Variants in LRRTM4 observed in about 807,000 individuals in gnomAD.
The protein encoded by LRRTM4 is leucine rich repeat transmembrane neuronal 4, also known as leucine-rich repeat transmembrane neuronal protein 4.
LRRTM4 carries 25 observed loss-of-function variants against 47.6 expected under a neutral mutation model. That is an observed-to-expected ratio of 0.53 (90% CI 0.38 to 0.73). The LOEUF (loss-of-function observed/expected upper bound fraction) is 0.73. Among genes scored for constraint, LRRTM4 ranks in the 30% least tolerant of loss-of-function variants. The pLI is 0.00. For synonymous variants in LRRTM4, 311 were observed against 269.5 expected (o/e 1.15, Z -1.51); for missense variants, 638 against 713.4 (o/e 0.89, Z 1.20).
chr2:76,755,273 C>T (rs1056003443), intron 3 of LRRTM4, among the ~76,000 whole-genome samples: 2 of 152,114 alleles, frequency 1.3e-5, no homozygotes, highest in African/African-American at 4.8e-5. Flanking sequence ...AAAGATAAGA[C>T]AGCTCCCAGA....
intron 3 of LRRTM4, among the ~76,000 whole-genome samples, chr2:77,488,281 C>T (rs1188033816): frequency 6.6e-6 from 1 of 152,232 alleles, no homozygotes; most frequent in Non-Finnish European, 1.5e-5. Context: ...CACAGCCTCA[C>T]AGGAACCCAG....
chr2:76,933,086 T>C (rs1349705614), intron 3 of LRRTM4, among the ~76,000 whole-genome samples: 2 of 152,110 alleles, frequency 1.3e-5, no homozygotes, highest in Admixed American at 1.3e-4. Flanking sequence ...ACCATTAAGA[T>C]AGATAATATT....
Position 77,411,503 on chromosome 2 carries a change from G to A in LRRTM4, c.1551+106815C>T, listed in dbSNP as rs1167622488. On this transcript the variant is annotated intron_variant, in intron 3 of 3. Transcript: ENST00000409884. ...AGTCTTGCTCTGTCGCCCAGGCTGG[G>A]GTGCAGTGGCGTGATCTCGGCTCAC... 4.8e-4 allele frequency among the ~76,000 whole-genome samples: 68 copies of A among 142,438 alleles called. No individual in the cohort carries two copies. In the East Asian group the frequency reaches 9.9e-3, roughly 21 times the overall value. The allele number at this position is 142,438 out of a possible 152,430, so 93.4% of individuals were successfully genotyped here.
intron 3 of LRRTM4, among the ~76,000 whole-genome samples, chr2:76,842,826 T>C (rs938023126): frequency 6.6e-6 from 1 of 152,184 alleles, no homozygotes; most frequent in Admixed American, 6.6e-5. Context: ...GCTGCACCTA[T>C]CAAACCATTG....
chr2:77,261,582 T>C (rs1437324469), intron 3 of LRRTM4, among the ~76,000 whole-genome samples: 1 of 152,046 alleles, frequency 6.6e-6, no homozygotes, highest in Non-Finnish European at 1.5e-5. Context: ...TTTTTTTTAA[T>C]TGCTAAACCT....
In LRRTM4 at chr2:77,289,350, T is replaced by C. The variant is rs115091771; in HGVS notation, c.1551+228968A>G. 6.9e-3 allele frequency among the ~76,000 whole-genome samples: 1,042 copies of C among 152,042 alleles called. 4 individuals carry two copies. The highest frequency in any genetic ancestry group is 0.01 in the Non-Finnish European group (713 of 67,906). On this transcript the variant is annotated intron_variant, in intron 3 of 3. Coordinates refer to ENST00000409884, the MANE Select transcript of LRRTM4 (RefSeq NM_001134745.3). Reference sequence around the variant, plus strand: ...TCCCTAACATTTCTAAATCTGAGAGTACAGAAGCAGTTTTTTAAGTGATTG... The same window carrying C: ...TCCCTAACATTTCTAAATCTGAGAGCACAGAAGCAGTTTTTTAAGTGATTG...
intron 3 of LRRTM4, among the ~76,000 whole-genome samples, chr2:76,998,999 AC>A (rs200292274): frequency 2.8e-5 from 4 of 140,690 alleles, no homozygotes; most frequent in Non-Finnish European, 6.3e-5. Context: ...TATCAGTCTA[AC>A]TTAGAGAGCT....
In LRRTM4 at chr2:76,993,778, T is replaced by C. The variant is rs1009880581; in HGVS notation, c.1552-244862A>G. 6.6e-5 allele frequency among the ~76,000 whole-genome samples: 10 copies of C among 151,938 alleles called. No individual in the cohort carries two copies. The East Asian group carries it at 1.6e-3, about 24-fold the overall frequency. ...GGTATGTATCTAAAGGGAAATAAATTGTTCTACCAAAAAGACACACGCCCT... is the reference window on the plus strand; with the variant it reads ...GGTATGTATCTAAAGGGAAATAAATCGTTCTACCAAAAAGACACACGCCCT... On this transcript the variant is annotated intron_variant, in intron 3 of 3. Transcript: ENST00000409884.
chr2:76,981,056 T>C (rs949080445), intron 3 of LRRTM4, among the ~76,000 whole-genome samples: 1 of 152,094 alleles, frequency 6.6e-6, no homozygotes, highest in African/African-American at 2.4e-5. Context: ...TTAACTCAGT[T>C]ACAAGTGCTT....
At chr2:77,135,761 AT>A (rs1421933409) in intron 3 of LRRTM4, among the ~76,000 whole-genome samples, 1 of 152,180 alleles carries the variant, frequency 6.6e-6, no homozygotes, top group African/African-American at 2.4e-5. Flanking sequence ...GGCTTAAAAA[AT>A]ATCTTGAAAG....
intron 3 of LRRTM4, among the ~76,000 whole-genome samples, chr2:77,002,872 G>A (rs1482698140): frequency 6.6e-6 from 1 of 151,946 alleles, no homozygotes; most frequent in Non-Finnish European, 1.5e-5. Flanking sequence ...TATTTATTGA[G>A]CTTACGTTTT....
At chr2:77,391,685 C>T (rs562295982) in intron 3 of LRRTM4, among the ~76,000 whole-genome samples, 2 of 152,004 alleles carry the variant, frequency 1.3e-5, no homozygotes, top group East Asian at 3.9e-4. Flanking sequence ...TTTATAATTC[C>T]TTCCACTGAC....
At chr2:77,453,696 T>G (rs1197034454) in intron 3 of LRRTM4, among the ~76,000 whole-genome samples, 1 of 152,214 alleles carries the variant, frequency 6.6e-6, no homozygotes. Context: ...TAGTCAATAT[T>G]TCTTTATTGT....
At chr2:77,000,321 A>AG (rs1553442838) in intron 3 of LRRTM4, among the ~76,000 whole-genome samples, 1 of 151,576 alleles carries the variant, frequency 6.6e-6, no homozygotes, top group Non-Finnish European at 1.5e-5. Flanking sequence ...AAAAAAAAAA[A>AG]GGGTTAGTAA....
At chr2:77,036,170 G>C (rs753481120) in intron 3 of LRRTM4, among the ~76,000 whole-genome samples, 1 of 151,674 alleles carries the variant, frequency 6.6e-6, no homozygotes, top group African/African-American at 2.4e-5. Context: ...AAAGCATTAT[G>C]GTGGAATGAG....
intron 3 of LRRTM4, among the ~76,000 whole-genome samples, chr2:77,297,059 C>G (rs997315201): frequency 6.6e-6 from 1 of 152,062 alleles, no homozygotes; most frequent in Non-Finnish European, 1.5e-5. Flanking sequence ...ATTAGTAAAT[C>G]TTCTTATTGT....
intron 3 of LRRTM4, among the ~76,000 whole-genome samples, chr2:77,222,090 C>T (rs1007247328): frequency 1.3e-5 from 2 of 152,148 alleles, no homozygotes; most frequent in African/African-American, 4.8e-5. Context: ...ACAGAACAAC[C>T]TGCTCCTGAA....
At chr2:77,225,389 A>G (rs2103958890) in intron 3 of LRRTM4, among the ~76,000 whole-genome samples, 1 of 151,394 alleles carries the variant, frequency 6.6e-6, no homozygotes, top group Admixed American at 6.6e-5. Flanking sequence ...AAAAAGACCC[A>G]TAACTAGTGT....
At chr2:76,902,357 T>A (rs530925197) in intron 3 of LRRTM4, among the ~76,000 whole-genome samples, 3 of 152,188 alleles carry the variant, frequency 2.0e-5, no homozygotes, top group African/African-American at 7.2e-5. Context: ...TTAAAAAAAA[T>A]AATTAGCCAG....
Sources: allele counts gnomAD v4.1 joint callset (sites outside exome capture counted in the v4.1 genomes callset), GRCh38; gene constraint gnomAD v4.1.1; transcripts MANE v1.5; gene names NCBI Gene and HGNC (gene_info 2026-07-23, HGNC 2026-07-21).